The following CPA6 variants were observed in gnomAD, a reference collection of about 807,000 sequenced individuals.
CPA6 encodes the protein carboxypeptidase B.
Under a neutral mutation model 63.3 loss-of-function variants are expected in CPA6, and 58 were observed. That is an observed-to-expected ratio of 0.92 (90% CI 0.74 to 1.14). CPA6 has a LOEUF of 1.14. CPA6 is among the 50% of genes most tolerant of loss of function. The pLI is 0.00. For missense variants in CPA6, 565 were observed against 526.6 expected (o/e 1.07, Z -0.71); for synonymous variants, 185 against 179.0 (o/e 1.03, Z -0.27).
intron 9 of CPA6, among the ~76,000 whole-genome samples, chr8:67,431,042 T>C (rs1248097581): frequency 6.6e-6 from 1 of 151,906 alleles, no homozygotes; most frequent in Non-Finnish European, 1.5e-5. Context: ...TTAAAAATAT[T>C]TTGTAGAGAT....
chr8:67,675,932 G>A (rs1322849300), intron 1 of CPA6, among the ~76,000 whole-genome samples: 1 of 152,220 alleles, frequency 6.6e-6, no homozygotes, highest in Non-Finnish European at 1.5e-5. Context: ...GTGCACTACA[G>A]CCCCAAACCT....
intron 2 of CPA6, among the ~76,000 whole-genome samples, chr8:67,619,647 G>A (rs1259613149): frequency 6.6e-6 from 1 of 152,154 alleles, no homozygotes; most frequent in Admixed American, 6.6e-5. Flanking sequence ...CCCAAGAGTT[G>A]CTTAAAGTGT....
intron 2 of CPA6, among the ~76,000 whole-genome samples, chr8:67,577,807 C>G (rs949952277): frequency 1.3e-5 from 2 of 152,140 alleles, no homozygotes; most frequent in African/African-American, 4.8e-5. Context: ...TGAATGTTTG[C>G]AGCCCAGGGG....
rs189566762 is a variant in CPA6 at position 67,714,379 on chromosome 8, C to T, written c.116+31635G>A. Among the ~76,000 whole-genome samples, 79 of 152,334 alleles carry T rather than the reference C, an allele frequency of 5.2e-4. 1 individual carries two copies. The highest frequency in any genetic ancestry group is 3.4e-3 in the Middle Eastern group (1 of 294). On this transcript the variant is annotated intron_variant, in intron 1 of 10. Transcript: ENST00000297770. ...CAGGTGGTGATGATTCCCCAAAGATCTTAGGGTATCTCCTAGTATCCTAAT... is the reference window on the plus strand; with the variant it reads ...CAGGTGGTGATGATTCCCCAAAGATTTTAGGGTATCTCCTAGTATCCTAAT...
intron 8 of CPA6, among the ~76,000 whole-genome samples, chr8:67,482,427 G>T (rs75934160): frequency 6.6e-6 from 1 of 152,184 alleles, no homozygotes; most frequent in Admixed American, 6.5e-5. Context: ...ATAGGTTGGA[G>T]AAAACAATTT....
intron 8 of CPA6, among the ~76,000 whole-genome samples, chr8:67,477,738 T>C (rs1431516939): frequency 6.6e-6 from 1 of 152,214 alleles, no homozygotes; most frequent in East Asian, 1.9e-4. Flanking sequence ...TCAGAGCTTG[T>C]CTATTAATCT....
intron 2 of CPA6, among the ~76,000 whole-genome samples, chr8:67,581,024 G>A (rs537174922): frequency 6.6e-6 from 1 of 152,286 alleles, no homozygotes; most frequent in South Asian, 2.1e-4. Context: ...TGATTTCTTG[G>A]AGGTTGGTAG....
intron 1 of CPA6, among the ~76,000 whole-genome samples, chr8:67,628,670 T>C (rs1235154729): frequency 6.6e-6 from 1 of 152,226 alleles, no homozygotes; most frequent in Non-Finnish European, 1.5e-5. Context: ...ACTTCATATG[T>C]TGGTTTTAAA....
intron 1 of CPA6, among the ~76,000 whole-genome samples, chr8:67,714,278 G>A (rs1338521086): frequency 6.6e-6 from 1 of 152,162 alleles, no homozygotes; most frequent in Non-Finnish European, 1.5e-5. Flanking sequence ...AATCAGAGTG[G>A]AAAGCGACTA....
chr8:67,694,307 T>G (rs1375739538), intron 1 of CPA6, among the ~76,000 whole-genome samples: 5 of 152,210 alleles, frequency 3.3e-5, no homozygotes, highest in Admixed American at 2.0e-4. Context: ...GCTTTTAGGA[T>G]TTTAGAGAAA....
chr8:67,701,738 G>A (rs1209994977), intron 1 of CPA6, among the ~76,000 whole-genome samples: 1 of 152,216 alleles, frequency 6.6e-6, no homozygotes, highest in African/African-American at 2.4e-5. Context: ...TTAGGAATGT[G>A]TGAAACTGGC....
intron 2 of CPA6, among the ~76,000 whole-genome samples, chr8:67,561,751 G>A (rs533141332): frequency 1.3e-5 from 2 of 152,260 alleles, no homozygotes; most frequent in African/African-American, 4.8e-5. Flanking sequence ...TGATTATTAG[G>A]AGAATGTCCT....
intron 1 of CPA6, among the ~76,000 whole-genome samples, chr8:67,654,865 A>G (rs1379421543): frequency 6.6e-6 from 1 of 152,096 alleles, no homozygotes; most frequent in Admixed American, 6.6e-5. Flanking sequence ...AGGTGGCCAG[A>G]TTTGTCTAAT....
chr8:67,654,304 G>A (rs1485262136), intron 1 of CPA6, among the ~76,000 whole-genome samples: 1 of 152,180 alleles, frequency 6.6e-6, no homozygotes, highest in Non-Finnish European at 1.5e-5. Context: ...GATTGGAATG[G>A]TTTCAGAAGG....
At chr8:67,641,117 A>C (rs1363481446) in intron 1 of CPA6, among the ~76,000 whole-genome samples, 1 of 151,796 alleles carries the variant, frequency 6.6e-6, no homozygotes, top group African/African-American at 2.4e-5. Context: ...TGCAGCCGGC[A>C]TGATGGCAGC....
At chr8:67,541,300 A>G (rs1812698366) in intron 2 of CPA6, among the ~76,000 whole-genome samples, 1 of 152,074 alleles carries the variant, frequency 6.6e-6, no homozygotes, top group African/African-American at 2.4e-5. Context: ...TACCCCTCAT[A>G]TTGTCTTATG....
intron 2 of CPA6, among the ~76,000 whole-genome samples, chr8:67,580,056 C>T (rs1308058886): frequency 6.6e-6 from 1 of 152,144 alleles, no homozygotes; most frequent in Admixed American, 6.5e-5. Context: ...TGTTTATTGT[C>T]CACCTTCCTC....
At chr8:67,469,185 C>A (rs993454418) in intron 8 of CPA6, among the ~76,000 whole-genome samples, 2 of 152,180 alleles carry the variant, frequency 1.3e-5, no homozygotes. Context: ...TTTGGTCAAA[C>A]ATTACTCTTA....
intron 8 of CPA6, among the ~76,000 whole-genome samples, chr8:67,455,043 A>G (rs1810639831): frequency 1.3e-5 from 2 of 152,182 alleles, no homozygotes; most frequent in African/African-American, 4.8e-5. Context: ...AGATGGAGGG[A>G]GCTCAAAAAA....
Sources: gnomAD v4.1 joint callset for allele counts (sites outside exome capture counted in the v4.1 genomes callset) on GRCh38, gnomAD v4.1.1 for gene constraint, MANE v1.5 for transcripts, NCBI Gene and HGNC (gene_info 2026-07-23, HGNC 2026-07-21) for gene names.